The following MAGI2 variants were observed in gnomAD, a reference collection of about 807,000 sequenced individuals.
The protein encoded by MAGI2 is membrane-associated guanylate kinase, WW and PDZ domain-containing protein 2.
Under a neutral mutation model 133.3 loss-of-function variants are expected in MAGI2, and 35 were observed. The ratio of observed to expected loss-of-function variants is 0.26; its 90% confidence interval spans 0.20 to 0.35. The LOEUF (loss-of-function observed/expected upper bound fraction) is 0.35, where lower values mean the gene tolerates loss of function less well. MAGI2 is among the 10% of genes least tolerant of loss of function. The pLI, the probability that MAGI2 is intolerant of heterozygous loss-of-function variation, is 1.00. For missense variants in MAGI2, 1,636 were observed against 1,863.4 expected (o/e 0.88, Z 2.25); for synonymous variants, 729 against 710.6 (o/e 1.03, Z -0.41).
intron 1 of MAGI2, among the ~76,000 whole-genome samples, chr7:79,077,544 C>T (rs931181381): frequency 1.5e-5 from 2 of 132,836 alleles, no homozygotes; most frequent in Non-Finnish European, 3.1e-5. Flanking sequence ...CACTGCACTC[C>T]AGCCTGGGCA....
intron 1 of MAGI2, among the ~76,000 whole-genome samples, chr7:79,129,755 T>C (rs779368252): frequency 3.3e-5 from 5 of 152,076 alleles, no homozygotes; most frequent in Non-Finnish European, 7.4e-5. Context: ...TAGTATTAAA[T>C]GAAAAATTCA....
chr7:79,305,333 T>G (rs1473153843), intron 1 of MAGI2, among the ~76,000 whole-genome samples: 1 of 152,186 alleles, frequency 6.6e-6, no homozygotes, highest in Non-Finnish European at 1.5e-5. Context: ...AGCTTTGATT[T>G]AAAAATTGAT....
At chr7:78,298,810 G>GTT (rs71085520) in intron 9 of MAGI2, among the ~76,000 whole-genome samples, 1,534 of 79,618 alleles carry the variant, frequency 0.019, 44 homozygotes, top group Non-Finnish European at 0.025. Flanking sequence ...TGGCCTAAAC[G>GTT]TTTTTTTTTT....
intron 10 of MAGI2, among the ~76,000 whole-genome samples, chr7:78,211,998 A>C (rs2150805369): frequency 6.6e-6 from 1 of 152,332 alleles, no homozygotes; most frequent in Admixed American, 6.5e-5. Flanking sequence ...CTGTGCCTCC[A>C]GCTTCAATGA....
At chr7:79,065,789 T>C (rs181909526) in intron 1 of MAGI2, among the ~76,000 whole-genome samples, 3 of 152,276 alleles carry the variant, frequency 2.0e-5, no homozygotes, top group East Asian at 3.9e-4. Context: ...CAACTCCCAC[T>C]TATGAGTGAA....
rs1457327243 is a variant in MAGI2 at position 79,028,261 on chromosome 7, ATATATATG to A, written c.302-21063_302-21056del. ...TATATATATATATATATATATATAT[ATATATATG>A]TATGTATGTATATATATATATATGT... On this transcript the variant is annotated intron_variant, in intron 1 of 21. Transcript: ENST00000354212. Among the ~76,000 whole-genome samples, 53 of 22,414 alleles carry A rather than the reference ATATATATG, an allele frequency of 2.4e-3. 2 individuals are homozygous for A. Among genetic ancestry groups the A allele is most frequent in the African/African-American group, 6.5e-3 (50 of 7,676 alleles). 14.7% of individuals were successfully genotyped at this position (22,414 alleles called of 152,430 possible). A position where few individuals can be genotyped will look rare whatever the true frequency, so the allele number is the denominator to read the frequency against.
chr7:78,671,372 A>C (rs1814372233), intron 2 of MAGI2, among the ~76,000 whole-genome samples: 2 of 151,992 alleles, frequency 1.3e-5, no homozygotes, highest in Non-Finnish European at 2.9e-5. Context: ...AATTTTAAAC[A>C]GATACTTTGC....
At chr7:78,530,508 C>T (rs1797371859) in intron 3 of MAGI2, among the ~76,000 whole-genome samples, 1 of 152,156 alleles carries the variant, frequency 6.6e-6, no homozygotes, top group African/African-American at 2.4e-5. Context: ...ACGGGTAGGA[C>T]TGAAGCGCCC....
At chr7:78,437,126 C>A (rs180683951) in intron 6 of MAGI2, among the ~76,000 whole-genome samples, 1 of 152,102 alleles carries the variant, frequency 6.6e-6, no homozygotes, top group South Asian at 2.1e-4. Flanking sequence ...CTCCTGTTAG[C>A]GACAGAAATG....
intron 6 of MAGI2, among the ~76,000 whole-genome samples, chr7:78,373,591 T>G (rs1347842064): frequency 6.6e-6 from 1 of 152,108 alleles, no homozygotes; most frequent in Non-Finnish European, 1.5e-5. Flanking sequence ...TTTAAAAACC[T>G]TTTCTTTCCA....
intron 1 of MAGI2, among the ~76,000 whole-genome samples, chr7:79,216,520 C>T (rs956572100): frequency 6.6e-6 from 1 of 151,944 alleles, no homozygotes; most frequent in Non-Finnish European, 1.5e-5. Context: ...GTAATACAGG[C>T]CCACTTGAGC....
At chr7:79,035,925 A>T (rs1280091742) in intron 1 of MAGI2, among the ~76,000 whole-genome samples, 2 of 152,246 alleles carry the variant, frequency 1.3e-5, no homozygotes, top group African/African-American at 2.4e-5. Context: ...ATGATATTCC[A>T]TGTTGTCAGT....
At chr7:79,109,933 C>G (rs1385563594) in intron 1 of MAGI2, among the ~76,000 whole-genome samples, 2 of 152,152 alleles carry the variant, frequency 1.3e-5, no homozygotes, top group African/African-American at 4.8e-5. Context: ...TTTCAGGGGC[C>G]AGTCCCAAGT....
chr7:78,981,052 A>G (rs2215547), intron 2 of MAGI2, among the ~76,000 whole-genome samples: 115,267 of 151,460 alleles, frequency 0.76, 44,215 homozygotes, highest in African/African-American at 0.85. Context: ...TTAAACTCTT[A>G]TTGCCTTTAA....
chr7:78,633,439 T>C (rs986793441), intron 2 of MAGI2, among the ~76,000 whole-genome samples: 14 of 151,762 alleles, frequency 9.2e-5, no homozygotes, highest in African/African-American at 2.7e-4. Context: ...GGGGCGGTGG[T>C]TCATGCCTGT....
At chr7:78,777,530 T>C (rs1826079560) in intron 2 of MAGI2, among the ~76,000 whole-genome samples, 1 of 152,132 alleles carries the variant, frequency 6.6e-6, no homozygotes, top group African/African-American at 2.4e-5. Flanking sequence ...CCACTATCAT[T>C]ATCTTCACTA....
chr7:78,847,285 T>C (rs937447703), intron 2 of MAGI2, among the ~76,000 whole-genome samples: 3 of 151,980 alleles, frequency 2.0e-5, no homozygotes, highest in Non-Finnish European at 2.9e-5. Flanking sequence ...TCTACTTTTG[T>C]AGACATTATA....
intron 6 of MAGI2, chr7:78,485,835 T>C (rs927958617): frequency 2.6e-5 from 4 of 151,958 alleles, no homozygotes; most frequent in African/African-American, 9.7e-5. Context: ...CCCAGTAACA[T>C]CCAAAATGTA....
chr7:78,553,041 G>C (rs1461770591), intron 3 of MAGI2, among the ~76,000 whole-genome samples: 8 of 149,324 alleles, frequency 5.4e-5, no homozygotes, highest in Non-Finnish European at 1.0e-4. Context: ...CTTAAAAACT[G>C]TAAGAGGCAG....
Sources: allele counts gnomAD v4.1 joint callset (sites outside exome capture counted in the v4.1 genomes callset), GRCh38; gene constraint gnomAD v4.1.1; transcripts MANE v1.5; gene names NCBI Gene and HGNC (gene_info 2026-07-23, HGNC 2026-07-21).